Variants in TENM2 observed in about 807,000 individuals in gnomAD.
The protein encoded by TENM2 is teneurin-2.
A neutral mutation model predicts 245.2 loss-of-function variants in TENM2; 52 were observed. The observed-to-expected ratio is 0.21, with a 90% CI of 0.17 to 0.27. The LOEUF (loss-of-function observed/expected upper bound fraction) is 0.27, where lower values mean the gene tolerates loss of function less well. Among genes scored for constraint, TENM2 ranks in the 10% least tolerant of loss-of-function variants. TENM2 has a pLI of 1.00. For missense variants in TENM2, 3,046 were observed against 3,666.8 expected, an observed-to-expected ratio of 0.83 and a Z score of 4.37; for synonymous variants, 1,363 against 1,438.9, an observed-to-expected ratio of 0.95 and a Z score of 1.19.
At chr5:167,312,344 A>G (rs1012111814) in intron 1 of TENM2, among the ~76,000 whole-genome samples, 9 of 152,308 alleles carry the variant, frequency 5.9e-5, no homozygotes, top group African/African-American at 1.9e-4. Flanking sequence ...AATAAATACA[A>G]TGCTTTATAG....
chr5:167,451,358 G>T (rs1765572481), intron 2 of TENM2, among the ~76,000 whole-genome samples: 1 of 152,160 alleles, frequency 6.6e-6, no homozygotes, highest in Non-Finnish European at 1.5e-5. Context: ...GGGAAGGAGC[G>T]ATTGAAAACG....
chr5:168,101,887 G>A (rs1793843581), intron 9 of TENM2, among the ~76,000 whole-genome samples: 1 of 152,022 alleles, frequency 6.6e-6, no homozygotes, highest in Admixed American at 6.6e-5. Flanking sequence ...CTACTTCATT[G>A]TTAACAGAGT....
chr5:168,226,104 C>T (rs545423425), exon 24 of TENM2: 10 of 1,613,348 alleles, frequency 6.2e-6, no homozygotes, highest in African/African-American at 4.0e-5. Flanking sequence ...CCACGAAGGC[C>T]GCCTGACCAA....
At chr5:167,390,267 G>A (rs1432900564) in intron 2 of TENM2, among the ~76,000 whole-genome samples, 1 of 152,118 alleles carries the variant, frequency 6.6e-6, no homozygotes, top group Non-Finnish European at 1.5e-5. Flanking sequence ...GAGTAGAGTG[G>A]GGAATTTCTT....
chr5:168,063,659 T>C (rs1177518119), intron 7 of TENM2, among the ~76,000 whole-genome samples: 1 of 152,144 alleles, frequency 6.6e-6, no homozygotes, highest in Non-Finnish European at 1.5e-5. Flanking sequence ...AGGCTACAAT[T>C]TCTTTACCTT....
At chr5:167,572,426 A>G (rs1170694545) in intron 2 of TENM2, among the ~76,000 whole-genome samples, 1 of 152,196 alleles carries the variant, frequency 6.6e-6, no homozygotes, top group Non-Finnish European at 1.5e-5. Flanking sequence ...GATAATTGTT[A>G]TAAGTAGGGC....
the TENM2 span, among the ~76,000 whole-genome samples, chr5:167,117,229 C>T: frequency 6.6e-5 from 10 of 152,322 alleles, no homozygotes; most frequent in East Asian, 9.7e-4. Context: ...ACAGGCTGGG[C>T]GCCATGGCTC....
At chr5:167,393,913 G>C (rs1283927247) in intron 2 of TENM2, among the ~76,000 whole-genome samples, 1 of 152,136 alleles carries the variant, frequency 6.6e-6, no homozygotes, top group Non-Finnish European at 1.5e-5. Context: ...TGGCTGAGAA[G>C]TGTCTGCAAA....
At chr5:167,713,334 C>T (rs1185947968) in intron 2 of TENM2, among the ~76,000 whole-genome samples, 1 of 150,994 alleles carries the variant, frequency 6.6e-6, no homozygotes, top group Non-Finnish European at 1.5e-5. Flanking sequence ...TGTAGTACTC[C>T]CCTTGGATTT....
At chr5:167,834,232 A>G (rs960389601) in intron 2 of TENM2, among the ~76,000 whole-genome samples, 2 of 152,172 alleles carry the variant, frequency 1.3e-5, no homozygotes, top group African/African-American at 2.4e-5. Flanking sequence ...ATTTCTGAGG[A>G]GGTAAATTTT....
At chr5:168,083,999 A>G (rs1038566098) in intron 7 of TENM2, among the ~76,000 whole-genome samples, 4 of 152,152 alleles carry the variant, frequency 2.6e-5, no homozygotes, top group East Asian at 1.9e-4. Flanking sequence ...GCTCCCACTT[A>G]TAAGTGAGAA....
chr5:166,979,649 C>G, the TENM2 span, among the ~76,000 whole-genome samples: 1 of 152,114 alleles, frequency 6.6e-6, no homozygotes, highest in African/African-American at 2.4e-5. Flanking sequence ...TTCTCTTTCT[C>G]TCCTTGCGTT....
At chr5:168,155,399 T>G in intron 12 of TENM2, among the ~76,000 whole-genome samples, 5 of 28,014 alleles carry the variant, frequency 1.8e-4, no homozygotes, top group Admixed American at 9.0e-4. Flanking sequence ...AAACAGTTGG[T>G]GAAAGGGGGG....
At position 168,155,989 on chromosome 5, in the gene TENM2, T is replaced by C. The variant is rs142478257; in HGVS notation, c.2423-6622T>C. On this transcript the variant is annotated intron_variant, in intron 12 of 28. Transcript: ENST00000518659. ...TCAGCACATATTTCTTGAATGTCTG[T>C]TACGTGCCAACCGTTCTTCTAGACC... Among the ~76,000 whole-genome samples, 371 of 151,632 alleles carry C rather than the reference T, an allele frequency of 2.4e-3. 5 individuals are homozygous for C. Among genetic ancestry groups the C allele is most frequent in the Admixed American group, 0.022 (342 of 15,234 alleles).
At chr5:167,221,734 A>G in the TENM2 span, among the ~76,000 whole-genome samples, 1 of 152,204 alleles carries the variant, frequency 6.6e-6, no homozygotes, top group South Asian at 2.1e-4. Context: ...AGGCCATGCA[A>G]CCAGTGAGGA....
At chr5:167,142,466 A>C in the TENM2 span, among the ~76,000 whole-genome samples, 1 of 151,442 alleles carries the variant, frequency 6.6e-6, no homozygotes, top group East Asian at 1.9e-4. Context: ...TTATCCATAT[A>C]TATATAAATA....
chr5:167,649,851 C>T (rs754710206), intron 2 of TENM2, among the ~76,000 whole-genome samples: 1 of 152,214 alleles, frequency 6.6e-6, no homozygotes, highest in Non-Finnish European at 1.5e-5. Flanking sequence ...CAACAGAGTA[C>T]TGCTCAGTAT....
At chr5:167,107,271 AGAAGGAAG>A in the TENM2 span, among the ~76,000 whole-genome samples, 2 of 151,526 alleles carry the variant, frequency 1.3e-5, no homozygotes, top group Non-Finnish European at 2.9e-5. Context: ...AAAGAAAGAA[AGAAGGAAG>A]GAAGGAAGGA....
At chr5:168,099,097 A>C (rs530313865) in intron 9 of TENM2, among the ~76,000 whole-genome samples, 1 of 152,132 alleles carries the variant, frequency 6.6e-6, no homozygotes, top group African/African-American at 2.4e-5. Context: ...TTTAGTAAAG[A>C]CAGGGTTTCA....
Sources: allele counts gnomAD v4.1 joint callset (sites outside exome capture counted in the v4.1 genomes callset), GRCh38; gene constraint gnomAD v4.1.1; transcripts MANE v1.5; gene names NCBI Gene and HGNC (gene_info 2026-07-23, HGNC 2026-07-21).